Variants in CNOT6L observed in about 807,000 individuals in gnomAD.
The protein encoded by CNOT6L is CCR4-NOT transcription complex subunit 6 like, also known as CCR4-NOT transcription complex subunit 6-like.
CNOT6L carries 7 observed loss-of-function variants against 64.0 expected under a neutral mutation model. That is an observed-to-expected ratio of 0.11 (90% confidence interval 0.06 to 0.21). CNOT6L has a LOEUF of 0.21. CNOT6L is among the 10% of genes least tolerant of loss of function. The probability of loss-of-function intolerance (pLI) is 1.00; values close to 1 mark genes in which losing one functional copy is unlikely to be tolerated. For synonymous variants in CNOT6L, 193 were observed against 243.4 expected, an observed-to-expected ratio of 0.79 and a Z score of 1.93; for missense variants, 245 against 669.0, an observed-to-expected ratio of 0.37 and a Z score of 6.99.
At chr4:77,801,191 A>G (rs566471858) in intron 1 of CNOT6L, among the ~76,000 whole-genome samples, 1 of 152,324 alleles carries the variant, frequency 6.6e-6, no homozygotes, top group Admixed American at 6.5e-5. Flanking sequence ...CAGCCACTGA[A>G]AAGTAGACAC....
intron 7 of CNOT6L, chr4:77,742,528 A>G: frequency 1.8e-6 from 1 of 557,106 alleles, no homozygotes; most frequent in Non-Finnish European, 3.3e-6. Context: ...AGATAGTAAC[A>G]GGAGTAGGAC....
At chr4:77,816,468 C>T (rs1733588739) in intron 1 of CNOT6L, among the ~76,000 whole-genome samples, 1 of 151,938 alleles carries the variant, frequency 6.6e-6, no homozygotes, top group Non-Finnish European at 1.5e-5. Flanking sequence ...ATACACACTC[C>T]CACAACACAC....
At chr4:77,749,781 A>C (rs1430137478) in intron 5 of CNOT6L, among the ~76,000 whole-genome samples, 1 of 152,224 alleles carries the variant, frequency 6.6e-6, no homozygotes, top group Non-Finnish European at 1.5e-5. Context: ...GGCGATAAAC[A>C]GCATGTACAG....
intron 1 of CNOT6L, among the ~76,000 whole-genome samples, chr4:77,815,943 T>G (rs1016625542): frequency 9.2e-5 from 14 of 152,208 alleles, no homozygotes; most frequent in Non-Finnish European, 4.4e-5. Flanking sequence ...GCAAGTAAAC[T>G]TCTTTGAAAT....
At chr4:77,802,557 T>C (rs1731715123) in intron 1 of CNOT6L, among the ~76,000 whole-genome samples, 1 of 152,200 alleles carries the variant, frequency 6.6e-6, no homozygotes, top group Non-Finnish European at 1.5e-5. Flanking sequence ...TTCTTGAAAC[T>C]TTCCCCTCCC....
intron 1 of CNOT6L, among the ~76,000 whole-genome samples, chr4:77,806,041 C>T (rs1011170609): frequency 6.6e-6 from 1 of 152,290 alleles, no homozygotes; most frequent in Admixed American, 6.5e-5. Context: ...TGACTTATCA[C>T]TTTATATTTT....
intron 8 of CNOT6L, among the ~76,000 whole-genome samples, chr4:77,739,010 T>G (rs60358539): frequency 2.6e-5 from 4 of 152,190 alleles, no homozygotes; most frequent in Admixed American, 6.5e-5. Context: ...AATCCTGAAG[T>G]AGATTCTGAA....
chr4:77,778,732 A>G (rs1728449382), intron 1 of CNOT6L, among the ~76,000 whole-genome samples: 1 of 151,346 alleles, frequency 6.6e-6, no homozygotes. Flanking sequence ...ACCCAGCCCA[A>G]TTTTAGATCA....
chr4:77,796,760 CAT>C (rs1268390965), intron 1 of CNOT6L, among the ~76,000 whole-genome samples: 1 of 152,004 alleles, frequency 6.6e-6, no homozygotes, highest in Non-Finnish European at 1.5e-5. Flanking sequence ...CAAACACAAA[CAT>C]ACATGGTCAA....
At chr4:77,777,746 T>C (rs984974957) in intron 1 of CNOT6L, among the ~76,000 whole-genome samples, 2 of 152,330 alleles carry the variant, frequency 1.3e-5, no homozygotes, top group Non-Finnish European at 2.9e-5. Flanking sequence ...TTAGAACTTA[T>C]ATCCCAAATT....
At chr4:77,754,486 C>G (rs967586951) in intron 5 of CNOT6L, among the ~76,000 whole-genome samples, 1 of 152,072 alleles carries the variant, frequency 6.6e-6, no homozygotes, top group African/African-American at 2.4e-5. Context: ...CCAAAGCCAT[C>G]TATAGATTCA....
At chr4:77,806,425 CA>C (rs561215577) in intron 1 of CNOT6L, among the ~76,000 whole-genome samples, 316 of 135,578 alleles carry the variant, frequency 2.3e-3, no homozygotes, top group African/African-American at 2.9e-3. Context: ...AACTCTGTCT[CA>C]AAAAAAAAAA....
chr4:77,743,588 T>G (rs113311515), intron 7 of CNOT6L, among the ~76,000 whole-genome samples: 31 of 5,614 alleles, frequency 5.5e-3, no homozygotes, highest in African/African-American at 9.3e-3. Flanking sequence ...ACACACAACT[T>G]TTTTTTTTTT....
upstream of CNOT6L, chr4:77,819,491 G>C: frequency 7.6e-6 from 10 of 1,310,166 alleles, no homozygotes; most frequent in Non-Finnish European, 1.0e-5. Context: ...GCCCCGAGGG[G>C]AAGCCGCGGC....
intron 10 of CNOT6L, among the ~76,000 whole-genome samples, chr4:77,727,284 G>A (rs1487386010): frequency 6.6e-6 from 1 of 152,056 alleles, no homozygotes; most frequent in African/African-American, 2.4e-5. Flanking sequence ...ACTAGGCTGG[G>A]TGCGGTGGCT....
At chr4:77,726,021 A>G in intron 11 of CNOT6L, 146 bp downstream of exon 11, 1 of 693,746 alleles carries the variant, frequency 1.4e-6, no homozygotes, top group Non-Finnish European at 2.5e-6. Context: ...AAACCTACTT[A>G]TATTTAGGTG....
rs1728140739 is a variant in CNOT6L at position 77,776,339 on chromosome 4, T to C, written c.59A>G (p.Tyr20Cys). 10 of 1,611,182 alleles carry C rather than the reference T, an allele frequency of 6.2e-6. No homozygotes were observed. Among genetic ancestry groups the C allele is most frequent in the Non-Finnish European group, 8.5e-6 (10 of 1,178,660 alleles). Residue 20 changes from tyrosine (Y) to cysteine (C), a missense_variant, in exon 2 of 12, where the codon TAT (tyrosine) becomes TGT (cysteine). Transcript: ENST00000504123. ...TACCTCCTCTGCTGACATGATGGTA[T>C]AAATTCTGCGAGGATCTGGAGGATC... ...KYDPPDPRRI[Y>C]TIMSAEEVAN...
At chr4:77,774,803 G>T in intron 2 of CNOT6L, 87 bp from the exon 3 acceptor site, 2 of 784,202 alleles carry the variant, frequency 2.6e-6, no homozygotes, top group Non-Finnish European at 3.8e-6. Flanking sequence ...GGTAAGAGAG[G>T]CTGCAAATAC....
intron 1 of CNOT6L, among the ~76,000 whole-genome samples, chr4:77,806,870 A>G (rs1371063834): frequency 6.6e-6 from 1 of 152,148 alleles, no homozygotes; most frequent in Middle Eastern, 3.2e-3. Context: ...GCAACTATAG[A>G]TCTGCTGATA....
Sources: gnomAD v4.1 joint callset for allele counts (sites outside exome capture counted in the v4.1 genomes callset) on GRCh38, gnomAD v4.1.1 for gene constraint, MANE v1.5 for transcripts, NCBI Gene and HGNC (gene_info 2026-07-23, HGNC 2026-07-21) for gene names.